Variants in ITGAV observed in about 807,000 individuals in gnomAD.
ITGAV encodes integrin subunit alpha V, also known as integrin alpha-V.
In ITGAV, 76 loss-of-function variants were observed where a neutral mutation model predicts 143.8. The ratio of observed to expected loss-of-function variants is 0.53; its 90% CI spans 0.44 to 0.64. The LOEUF (loss-of-function observed/expected upper bound fraction) is 0.64, where lower values mean the gene tolerates loss of function less well. ITGAV is among the 30% of genes least tolerant of loss of function. ITGAV has a pLI of 0.00. For synonymous variants in ITGAV, 453 were observed against 446.7 expected, an observed-to-expected ratio of 1.01 and a Z score of -0.18; for missense variants, 1,193 against 1,274.7, an observed-to-expected ratio of 0.94 and a Z score of 0.98.
intron 1 of ITGAV, chr2:186,600,502 T>C (rs1365435778): frequency 7.6e-7 from 1 of 1,324,112 alleles, no homozygotes; most frequent in South Asian, 1.4e-5. Context: ...CTTTCCCCTC[T>C]CATCCTTAGA....
chr2:186,646,658 C>T lies in ITGAV; in HGVS notation c.1160-28C>T, dbSNP rs189478510. 3.3e-5 allele frequency: 51 copies of T among 1,528,902 alleles called. No individual in the cohort carries two copies. The East Asian group carries it at 1.1e-3, about 33-fold the overall frequency. The allele number at this position is 1,528,902 out of a possible 1,614,324, so 94.7% of individuals were successfully genotyped here. A position where few individuals can be genotyped will look rare whatever the true frequency, so the allele number is the denominator to read the frequency against. Reference sequence around the variant, plus strand: ...CCTCCTCCTTACTTCTGTCATTCTCCTTCCCCCTCCTCTTTTTTTCCCCAC... The same window carrying T: ...CCTCCTCCTTACTTCTGTCATTCTCTTTCCCCCTCCTCTTTTTTTCCCCAC... On this transcript the variant is annotated intron_variant, in intron 12 of 29. Transcript: ENST00000261023.
At chr2:186,613,016 A>G (rs1386756187) in intron 2 of ITGAV, among the ~76,000 whole-genome samples, 1 of 152,150 alleles carries the variant, frequency 6.6e-6, no homozygotes, top group Non-Finnish European at 1.5e-5. Context: ...TGACAGTCAT[A>G]CAGTTAGTCA....
chr2:186,603,351 T>G (rs961466903), intron 2 of ITGAV, among the ~76,000 whole-genome samples: 2 of 152,210 alleles, frequency 1.3e-5, no homozygotes, highest in African/African-American at 4.8e-5. Context: ...GAAACAGGAA[T>G]CATGATGTGG....
chr2:186,659,523 T>A (rs1046304657), intron 18 of ITGAV, among the ~76,000 whole-genome samples: 1 of 152,014 alleles, frequency 6.6e-6, no homozygotes, highest in Admixed American at 6.6e-5. Flanking sequence ...ATTTTTGATA[T>A]TTTAATTTTA....
chr2:186,590,127 C>G lies in ITGAV; in HGVS notation c.-212C>G, dbSNP rs61763604. ...GCAAAGGACCGTCTGCGCTGCTGTC[C>G]CCGCCCCGCGCGCTCTGCGCCCCTC... On this transcript the variant is annotated 5_prime_UTR_variant, in exon 1 of 30. Coordinates refer to ENST00000261023, the MANE Select transcript of ITGAV (RefSeq NM_002210.5). 1.2e-3 allele frequency: 513 copies of G among 432,120 alleles called. 1 individual carries two copies. Among genetic ancestry groups the G allele is most frequent in the African/African-American group, 0.01 (485 of 48,118 alleles). The allele number at this position is 432,120 out of a possible 1,614,324, so 26.8% of individuals were successfully genotyped here.
At chr2:186,640,394 T>C (rs953253049) in intron 10 of ITGAV, among the ~76,000 whole-genome samples, 1 of 152,226 alleles carries the variant, frequency 6.6e-6, no homozygotes, top group Non-Finnish European at 1.5e-5. Context: ...TCCATATCTT[T>C]CCAAACAGTA....
chr2:186,630,906 C>A, intron 5 of ITGAV, 48 bp downstream of exon 5: 2 of 1,014,886 alleles, frequency 2.0e-6, no homozygotes, highest in East Asian at 2.4e-5. Context: ...ACCTTATTGA[C>A]TAGACTGTGG....
chr2:186,665,110 TTTTG>T lies in ITGAV; in HGVS notation c.2074-15_2074-12del. Reference sequence around the variant, plus strand: ...CTTTCATATCCATTTTTTTTTTTTTTTTTGGTCTATCAAAGGCCTTAGCAAGACT... The same window carrying T: ...CTTTCATATCCATTTTTTTTTTTTTTGTCTATCAAAGGCCTTAGCAAGACT... On this transcript the variant is annotated splice_polypyrimidine_tract_variant and intron_variant, in intron 20 of 29. Transcript: ENST00000261023. 1 of 1,463,986 alleles carries T rather than the reference TTTTG, an allele frequency of 6.8e-7. No homozygotes were observed. The highest frequency in any genetic ancestry group is 9.3e-7 in the Non-Finnish European group (1 of 1,073,396). The allele number at this position is 1,463,986 out of a possible 1,614,324, so 90.7% of individuals were successfully genotyped here.
At chr2:186,657,024 A>G (rs1688610588) in intron 17 of ITGAV, among the ~76,000 whole-genome samples, 2 of 86,206 alleles carry the variant, frequency 2.3e-5, no homozygotes, top group South Asian at 6.6e-4. Flanking sequence ...ACACACACAC[A>G]GAAGCCACTA....
chr2:186,666,841 T>C, intron 22 of ITGAV, 58 bp downstream of exon 22: 1 of 896,164 alleles, frequency 1.1e-6, no homozygotes. Context: ...TTGTTGTAAA[T>C]ATACTATGTA....
intron 26 of ITGAV, among the ~76,000 whole-genome samples, chr2:186,674,039 T>A (rs1012398179): frequency 1.6e-4 from 25 of 152,166 alleles, no homozygotes; most frequent in African/African-American, 6.0e-4. Flanking sequence ...AGTAGCATAG[T>A]TATAGCTTAC....
Position 186,625,586 on chromosome 2 carries a change from A to C in ITGAV, c.522A>C (p.Ser174=). The C allele has an allele frequency of 2.5e-6, 4 of 1,602,892 alleles. No individual in the cohort carries two copies. The highest frequency in any genetic ancestry group is 3.4e-6 in the Non-Finnish European group (4 of 1,170,700). ...TKTVEYAPCR[S]QDIDADGQGF... ...CTGTTGAGTATGCTCCATGTAGATC[A>C]CGTATGTATAGGATATTGTACCAGC... Residue 174 remains serine, a splice_region_variant and synonymous_variant, in exon 4 of 30, where the codon TCA becomes TCC. Coordinates refer to ENST00000261023, the MANE Select transcript of ITGAV (RefSeq NM_002210.5).
Position 186,633,353 on chromosome 2 carries a change from C to T in ITGAV, c.610C>T (p.Pro204Ser). The change falls in exon 6 of 30, where the codon CCT (proline) becomes TCT (serine). Residue 204 changes from proline (P) to serine (S), a missense_variant. By Grantham distance (74) the Pro-to-Ser change is moderately conservative (BLOSUM62 -1). Transcript: ENST00000261023. Reference protein sequence around the residue: ...TKADRVLLGGPGSFYWQGQLI... With the variant: ...TKADRVLLGGSGSFYWQGQLI... ...GGCTGACAGAGTACTTCTTGGTGGT[C>T]CTGGTAGCTTTTATTGGCAAGGTAG... 6.3e-7 allele frequency: 1 copy of T among 1,581,944 alleles called. No homozygotes were observed. Among genetic ancestry groups the T allele is most frequent in the Non-Finnish European group, 8.6e-7 (1 of 1,158,572 alleles).
chr2:186,646,919 C>A, intron 13 of ITGAV, 42 bp downstream of exon 13: 1 of 1,297,648 alleles, frequency 7.7e-7, no homozygotes, highest in African/African-American at 1.5e-5. Context: ...ATTTTTCAGT[C>A]CTAATAGCAA....
At chr2:186,600,813 G>T (rs1301059635) in intron 1 of ITGAV, among the ~76,000 whole-genome samples, 2 of 152,024 alleles carry the variant, frequency 1.3e-5, no homozygotes, top group South Asian at 4.1e-4. Context: ...ATAAAAATTA[G>T]CCAGGCGTGG....
At chr2:186,591,620 A>T (rs1686618669) in intron 1 of ITGAV, among the ~76,000 whole-genome samples, 1 of 152,196 alleles carries the variant, frequency 6.6e-6, no homozygotes, top group Admixed American at 6.5e-5. Flanking sequence ...TACTACACAC[A>T]TGCCTAATTT....
At chr2:186,617,757 T>C (rs1267077532) in intron 2 of ITGAV, among the ~76,000 whole-genome samples, 1 of 152,198 alleles carries the variant, frequency 6.6e-6, no homozygotes, top group Non-Finnish European at 1.5e-5. Context: ...ATTATTTTAT[T>C]GTGTGAGATA....
intron 26 of ITGAV, among the ~76,000 whole-genome samples, chr2:186,672,705 G>A (rs1689099717): frequency 1.3e-5 from 2 of 152,122 alleles, no homozygotes; most frequent in African/African-American, 2.4e-5. Flanking sequence ...CATCTTTTCA[G>A]TTGTGTATCT....
At chr2:186,624,131 T>C (rs1375436791) in intron 3 of ITGAV, among the ~76,000 whole-genome samples, 1 of 152,182 alleles carries the variant, frequency 6.6e-6, no homozygotes, top group African/African-American at 2.4e-5. Context: ...TTATTTCTTA[T>C]ACATTCCAAA....
Sources: gnomAD v4.1 joint callset for allele counts (sites outside exome capture counted in the v4.1 genomes callset) on GRCh38, gnomAD v4.1.1 for gene constraint, MANE v1.5 for transcripts, NCBI Gene and HGNC (gene_info 2026-07-23, HGNC 2026-07-21) for gene names.